SLCO5A1: variants seen among roughly 807,000 people sequenced by gnomAD.
The protein encoded by SLCO5A1 is organic anion transporter polypeptide-related protein 4.
In SLCO5A1, 39 loss-of-function variants were observed where a neutral mutation model predicts 65.1. The ratio of observed to expected loss-of-function variants is 0.60; its 90% CI spans 0.46 to 0.78. The LOEUF is 0.78. Among genes scored for constraint, SLCO5A1 ranks in the 30% least tolerant of loss-of-function variants. SLCO5A1 has a pLI of 0.00. For missense variants in SLCO5A1, 1,029 were observed against 1,069.4 expected (o/e 0.96, Z 0.53); for synonymous variants, 438 against 415.7 (o/e 1.05, Z -0.65).
At chr8:69,726,530 C>T (rs560367313) in intron 5 of SLCO5A1, among the ~76,000 whole-genome samples, 1 of 142,692 alleles carries the variant, frequency 7.0e-6, no homozygotes, top group Non-Finnish European at 1.5e-5. Context: ...GACAGAGTCT[C>T]ACTCTGTTGC....
intron 2 of SLCO5A1, chr8:69,772,814 C>G (rs1818390613): frequency 2.2e-6 from 1 of 459,942 alleles, no homozygotes; most frequent in Non-Finnish European, 2.9e-6. Flanking sequence ...AGATCACCCA[C>G]TCATCCATGC....
chr8:69,828,655 C>T (rs1242259639), intron 2 of SLCO5A1, among the ~76,000 whole-genome samples: 1 of 152,096 alleles, frequency 6.6e-6, no homozygotes, highest in East Asian at 1.9e-4. Flanking sequence ...AATACCATTT[C>T]TATTCTTTTC....
At chr8:69,746,805 T>C (rs371991009) in intron 4 of SLCO5A1, among the ~76,000 whole-genome samples, 6 of 152,326 alleles carry the variant, frequency 3.9e-5, no homozygotes, top group Admixed American at 1.3e-4. Flanking sequence ...TTAAAAAGCT[T>C]GCCAGCCAGC....
At chr8:69,788,396 C>A (rs1376400423) in intron 2 of SLCO5A1, among the ~76,000 whole-genome samples, 1 of 152,146 alleles carries the variant, frequency 6.6e-6, no homozygotes, top group Non-Finnish European at 1.5e-5. Flanking sequence ...AATCTCGTTA[C>A]CTATCTTAGC....
chr8:69,780,397 C>T (rs532430875), intron 2 of SLCO5A1, among the ~76,000 whole-genome samples: 1 of 152,308 alleles, frequency 6.6e-6, no homozygotes, highest in African/African-American at 2.4e-5. Context: ...GATACGGAAT[C>T]AACCAAAGTG....
intron 4 of SLCO5A1, among the ~76,000 whole-genome samples, chr8:69,752,022 G>A (rs1320466956): frequency 6.6e-6 from 1 of 152,186 alleles, no homozygotes; most frequent in African/African-American, 2.4e-5. Context: ...CTTGGGTCCA[G>A]GAGTTCTAGA....
intron 5 of SLCO5A1, among the ~76,000 whole-genome samples, chr8:69,721,383 G>T (rs1231473194): frequency 6.6e-6 from 1 of 152,078 alleles, no homozygotes; most frequent in Non-Finnish European, 1.5e-5. Flanking sequence ...ATTAACACAA[G>T]AGCCCAGAGA....
intron 5 of SLCO5A1, among the ~76,000 whole-genome samples, chr8:69,727,297 C>T (rs529236850): frequency 6.6e-6 from 1 of 152,300 alleles, no homozygotes; most frequent in South Asian, 2.1e-4. Context: ...AGAATTTCAA[C>T]AAGATCTGTC....
intron 2 of SLCO5A1, among the ~76,000 whole-genome samples, chr8:69,828,494 C>T (rs538670493): frequency 4.0e-5 from 6 of 151,642 alleles, no homozygotes; most frequent in East Asian, 1.9e-4. Flanking sequence ...CCCAGCTACT[C>T]GGGAGGCTGA....
chr8:69,735,525 T>C (rs1816515831), intron 5 of SLCO5A1, among the ~76,000 whole-genome samples: 1 of 152,152 alleles, frequency 6.6e-6, no homozygotes, highest in Non-Finnish European at 1.5e-5. Flanking sequence ...TGCAGGGGCA[T>C]GGATGGAACT....
chr8:69,758,476 G>A (rs143263795), intron 3 of SLCO5A1, among the ~76,000 whole-genome samples: 188 of 152,092 alleles, frequency 1.2e-3, no homozygotes, highest in African/African-American at 4.1e-3. Context: ...CACCGCACCC[G>A]GCATGCTTTT....
intron 6 of SLCO5A1, among the ~76,000 whole-genome samples, chr8:69,687,985 A>C (rs1294888309): frequency 6.6e-6 from 1 of 152,098 alleles, no homozygotes; most frequent in Non-Finnish European, 1.5e-5. Flanking sequence ...TTTTAAGGGT[A>C]TATATCTTAA....
intron 6 of SLCO5A1, among the ~76,000 whole-genome samples, chr8:69,688,401 A>G (rs929962204): frequency 2.0e-5 from 3 of 152,032 alleles, no homozygotes; most frequent in Admixed American, 2.0e-4. Context: ...TTAGTTACAT[A>G]TGTATACATG....
chr8:69,694,117 C>T (rs978952328), intron 6 of SLCO5A1, among the ~76,000 whole-genome samples: 1 of 152,198 alleles, frequency 6.6e-6, no homozygotes, highest in African/African-American at 2.4e-5. Context: ...ATAGCTCATT[C>T]AGCAAGAAGG....
At chr8:69,796,485 A>G (rs1439059750) in intron 2 of SLCO5A1, among the ~76,000 whole-genome samples, 1 of 151,960 alleles carries the variant, frequency 6.6e-6, no homozygotes, top group Non-Finnish European at 1.5e-5. Flanking sequence ...GCGTGGTGGC[A>G]TATGCCTATA....
chr8:69,723,448 G>A lies in SLCO5A1; in HGVS notation c.1423+14592C>T, dbSNP rs1445743885. ...TTTTTTTATTTTTTGTAGAGATGAG[G>A]TCTCACTATGTTGCCCAGGCTCAAA... is the stretch of plus-strand genomic sequence containing the variant. On this transcript the variant is annotated intron_variant, in intron 5 of 9. Coordinates refer to ENST00000260126, the MANE Select transcript of SLCO5A1 (RefSeq NM_030958.3). Among the ~76,000 whole-genome samples, 4 of 150,884 alleles carry A rather than the reference G, an allele frequency of 2.7e-5. 1 individual carries two copies. In the East Asian group the frequency reaches 5.8e-4, roughly 22 times the overall value.
At chr8:69,728,485 C>T (rs1816190179) in intron 5 of SLCO5A1, among the ~76,000 whole-genome samples, 1 of 152,094 alleles carries the variant, frequency 6.6e-6, no homozygotes, top group African/African-American at 2.4e-5. Context: ...ACAAACATCA[C>T]AATATATCAG....
rs962098355 is a variant in SLCO5A1, at chr8:69,755,515, A to G, written c.1167T>C (p.Val389=). The change falls in exon 4 of 10, where the codon GTT becomes GTC. Residue 389 remains valine (V), a synonymous_variant. Coordinates refer to ENST00000260126, the MANE Select transcript of SLCO5A1 (RefSeq NM_030958.3). ...KKKKKFSVDA[V]SDDDVLKEKS... is the part of the protein sequence containing the mutation. ...TCTCCTTCAGAACATCGTCATCACT[A>G]ACAGCATCAACAGAAAATTTTTTCT... 1.9e-6 allele frequency: 3 copies of G among 1,614,112 alleles called. No homozygotes were observed. Among genetic ancestry groups the G allele is most frequent in the Non-Finnish European group, 2.5e-6 (3 of 1,179,982 alleles).
intron 2 of SLCO5A1, among the ~76,000 whole-genome samples, chr8:69,788,292 A>G (rs889735564): frequency 7.9e-5 from 12 of 152,178 alleles, no homozygotes; most frequent in African/African-American, 2.9e-4. Flanking sequence ...ACTTGATTTA[A>G]AAAAAACAAA....
Sources: allele counts gnomAD v4.1 joint callset (sites outside exome capture counted in the v4.1 genomes callset), GRCh38; gene constraint gnomAD v4.1.1; transcripts MANE v1.5; gene names NCBI Gene and HGNC (gene_info 2026-07-23, HGNC 2026-07-21).